The following DYNC2I1 variants were observed in gnomAD, a reference collection of about 807,000 sequenced individuals.
DYNC2I1 encodes cytoplasmic dynein 2 intermediate chain 1.
In DYNC2I1, 89 loss-of-function variants were observed where a neutral mutation model predicts 133.4. The ratio of observed to expected loss-of-function variants is 0.67; its 90% CI spans 0.56 to 0.80. The LOEUF is 0.80. Among genes scored for constraint, DYNC2I1 ranks in the 30% least tolerant of loss-of-function variants. The pLI is 0.00. For synonymous variants in DYNC2I1, 504 were observed against 484.3 expected (o/e 1.04, Z -0.54); for missense variants, 1,291 against 1,314.5 (o/e 0.98, Z 0.28).
chr7:158,878,868 A>G (rs1346777665), intron 4 of DYNC2I1, among the ~76,000 whole-genome samples: 1 of 134,598 alleles, frequency 7.4e-6, no homozygotes, highest in African/African-American at 2.8e-5. Flanking sequence ...AGGAGGGCCG[A>G]CTGTGAGTGC....
Position 158,945,365 on chromosome 7 carries a change from T to C in DYNC2I1, c.3003-216T>C, listed in dbSNP as rs1205887571. On this transcript the variant is annotated intron_variant, in intron 24 of 24. Transcript: ENST00000407559. This position sits in a 1 kb window ranked among gnomAD's most constrained non-coding sequence, Gnocchi z 4.1. ...GGAGACAGCAGCACGTCCTCATCAC[T>C]TACCTCTGCGAAGTTCCATCTGGCA... is the stretch of plus-strand genomic sequence containing the variant. Among the ~76,000 whole-genome samples, 2 of 152,182 alleles carry C rather than the reference T, an allele frequency of 1.3e-5. No homozygotes were observed. The highest frequency in any genetic ancestry group is 2.9e-5 in the Non-Finnish European group (2 of 68,030).
At chr7:158,907,979 A>G (rs1236283074) in intron 11 of DYNC2I1, among the ~76,000 whole-genome samples, 2 of 152,154 alleles carry the variant, frequency 1.3e-5, no homozygotes, top group African/African-American at 2.4e-5. Context: ...TATATAATGT[A>G]CAAGTAGATT....
At chr7:158,927,218 A>T (rs1485448442) in intron 20 of DYNC2I1, among the ~76,000 whole-genome samples, 175 bp downstream of exon 20, 2 of 152,004 alleles carry the variant, frequency 1.3e-5, no homozygotes, top group Admixed American at 6.5e-5. Flanking sequence ...CCTGGACAAC[A>T]TAGCAAGACC....
intron 6 of DYNC2I1, 72 bp downstream of exon 6, chr7:158,884,691 A>G (rs1844423738): frequency 1.3e-6 from 2 of 1,516,954 alleles, no homozygotes; most frequent in South Asian, 1.2e-5. Context: ...GAATTTTCTT[A>G]TTGGCTCCGA....
At chr7:158,920,110 A>AGT (rs1383503547) in intron 15 of DYNC2I1, among the ~76,000 whole-genome samples, 4 of 149,510 alleles carry the variant, frequency 2.7e-5, no homozygotes, top group Admixed American at 2.7e-4. Flanking sequence ...GAACACGTGA[A>AGT]GTGTGTGTGT....
At position 158,939,233 on chromosome 7, in the gene DYNC2I1, C is replaced by A. The variant is rs57470323; in HGVS notation, c.2779-2692C>A. Among the ~76,000 whole-genome samples the A allele has an allele frequency of 5.8e-3, 884 of 151,696 alleles. 58 individuals are homozygous for A. In the East Asian group the frequency reaches 0.13, roughly 22 times the overall value. Reference sequence around the variant, plus strand: ...TTGCTTGAGTCTGGGAGTTTGAGACCAGTTTGAGCAACATAGACCTCATCT... The same window carrying A: ...TTGCTTGAGTCTGGGAGTTTGAGACAAGTTTGAGCAACATAGACCTCATCT... On this transcript the variant is annotated intron_variant, in intron 23 of 24. Coordinates refer to ENST00000407559, the MANE Select transcript of DYNC2I1 (RefSeq NM_018051.5).
chr7:158,887,221 A>G, intron 7 of DYNC2I1, 146 bp downstream of exon 7: 1 of 758,036 alleles, frequency 1.3e-6, no homozygotes, highest in Non-Finnish European at 2.2e-6. Context: ...CAGAAGGCAC[A>G]CTGGAGACTC....
At chr7:158,899,376 T>G (rs1167391591) in intron 8 of DYNC2I1, among the ~76,000 whole-genome samples, 1 of 152,220 alleles carries the variant, frequency 6.6e-6, no homozygotes, top group African/African-American at 2.4e-5. Flanking sequence ...GCATACGTAA[T>G]TGAATACATT....
chr7:158,899,932 G>A (rs1236891593), intron 8 of DYNC2I1, among the ~76,000 whole-genome samples: 2 of 152,058 alleles, frequency 1.3e-5, no homozygotes, highest in Non-Finnish European at 2.9e-5. Context: ...TTGCAAGACA[G>A]GTCTACTGGC....
At chr7:158,910,406 GTGGGAGCGCGATTGGCTGTGTCAGGCC>G in intron 11 of DYNC2I1, among the ~76,000 whole-genome samples, 1 of 92,518 alleles carries the variant, frequency 1.1e-5, no homozygotes, top group Middle Eastern at 5.2e-3. Context: ...TGTCAGACCT[GTGGGAGCGCGATTGGCTGTGTCAGGCC>G]TGTGGGCCGA....
intron 15 of DYNC2I1, 82 bp downstream of exon 15, chr7:158,918,951 TA>T: frequency 7.1e-7 from 1 of 1,404,774 alleles, no homozygotes. Context: ...TATAATATTT[TA>T]TTTTAATGTG....
At chr7:158,865,333 C>T (rs1177532957) in intron 1 of DYNC2I1, among the ~76,000 whole-genome samples, 6 of 152,138 alleles carry the variant, frequency 3.9e-5, no homozygotes, top group African/African-American at 9.7e-5. Context: ...CTGTTTTATT[C>T]GGGAGGCAAA....
chr7:158,944,807 G>C (rs1851715497), intron 24 of DYNC2I1, among the ~76,000 whole-genome samples: 1 of 152,218 alleles, frequency 6.6e-6, no homozygotes, highest in South Asian at 2.1e-4. Context: ...GACGGGCAGG[G>C]AGTCTGCAAG....
chr7:158,926,234 G>T lies in DYNC2I1; in HGVS notation c.2305G>T (p.Glu769Ter). ...CCACCGAAGCCCTCTTCAAGCAGTA[G>T]AACCTATCTCAACGTCCGTCCACAA... ...VNHRSPLQAV[E>*]PISTSVHKKQ... Residue 769 changes from glutamate to a stop codon, truncating the protein, a stop_gained, in exon 18 of 25, where the codon GAA (glutamate) becomes TAA (stop). Transcript: ENST00000407559. LOFTEE classifies it high-confidence loss of function. 1 of 1,613,652 alleles carries T rather than the reference G, an allele frequency of 6.2e-7. No homozygotes were observed. The highest frequency in any genetic ancestry group is 8.5e-7 in the Non-Finnish European group (1 of 1,179,788).
At chr7:158,958,459 C>T (rs1852256075), downstream of DYNC2I1, among the ~76,000 whole-genome samples, 1 of 152,248 alleles carries the variant, frequency 6.6e-6, no homozygotes, top group Non-Finnish European at 1.5e-5. Context: ...CGGGCCACTG[C>T]GGAGCAGAAC....
At chr7:158,855,653 A>C (rs1841176268), upstream of DYNC2I1, among the ~76,000 whole-genome samples, 1 of 152,228 alleles carries the variant, frequency 6.6e-6, no homozygotes, top group African/African-American at 2.4e-5. Flanking sequence ...GGAAGGAACA[A>C]GCACAGCTTG....
At chr7:158,938,035 G>C (rs541850977) in intron 23 of DYNC2I1, among the ~76,000 whole-genome samples, 1 of 152,318 alleles carries the variant, frequency 6.6e-6, no homozygotes, top group East Asian at 1.9e-4. Flanking sequence ...GAGCTAACAA[G>C]GGTTAGAAAA....
chr7:158,891,207 C>T (rs763347151), intron 7 of DYNC2I1, 58 bp from the exon 8 acceptor site: 263 of 1,590,252 alleles, frequency 1.7e-4, no homozygotes, highest in Non-Finnish European at 2.0e-4. Flanking sequence ...AGCTGCGTGG[C>T]GTGTGCCCTG....
chr7:158,926,600 C>A, intron 19 of DYNC2I1, 137 bp downstream of exon 19: 1 of 1,004,614 alleles, frequency 1.0e-6, no homozygotes, highest in Non-Finnish European at 1.5e-6. Context: ...CTTCTTGGTC[C>A]TGAGCAGAAG....
Sources: allele counts gnomAD v4.1 joint callset (sites outside exome capture counted in the v4.1 genomes callset), GRCh38; gene constraint gnomAD v4.1.1; non-coding constraint Gnocchi (gnomAD v3.1); transcripts MANE v1.5; gene names NCBI Gene and HGNC (gene_info 2026-07-23, HGNC 2026-07-21).